The following UBAP1 variants were observed in gnomAD, a reference collection of about 807,000 sequenced individuals.
UBAP1 encodes ubiquitin associated protein 1, also known as ubiquitin-associated protein 1.
A neutral mutation model predicts 39.0 loss-of-function variants in UBAP1; 5 were observed. The observed-to-expected ratio is 0.13, with a 90% CI of 0.07 to 0.27. UBAP1 has a LOEUF of 0.27. Ranked by LOEUF, UBAP1 falls within the 10% of genes least tolerant of loss-of-function variation. The probability of loss-of-function intolerance (pLI) is 1.00; values close to 1 mark genes in which losing one functional copy is unlikely to be tolerated. For missense variants in UBAP1, 490 were observed against 608.1 expected (o/e 0.81, Z 2.04); for synonymous variants, 211 against 225.1 (o/e 0.94, Z 0.56).
chr9:34,201,885 T>G (rs1057003951), intron 1 of UBAP1, among the ~76,000 whole-genome samples: 8 of 152,098 alleles, frequency 5.3e-5, no homozygotes, highest in Non-Finnish European at 4.4e-5. Flanking sequence ...GGTCCTCTCT[T>G]TAGGTTTAAT....
chr9:34,214,983 T>A (rs1053168959), intron 1 of UBAP1, among the ~76,000 whole-genome samples: 11 of 152,142 alleles, frequency 7.2e-5, no homozygotes, highest in Admixed American at 2.6e-4. Flanking sequence ...ACAGTAGATG[T>A]TGGCGTGGAT....
intron 1 of UBAP1, among the ~76,000 whole-genome samples, chr9:34,208,411 G>A (rs749390783): frequency 6.6e-6 from 1 of 152,186 alleles, no homozygotes; most frequent in Non-Finnish European, 1.5e-5. Flanking sequence ...GGGAGGCCGA[G>A]GCAGGCAGAT....
At chr9:34,213,948 G>T (rs944150152) in intron 1 of UBAP1, among the ~76,000 whole-genome samples, 1 of 151,038 alleles carries the variant, frequency 6.6e-6, no homozygotes, top group African/African-American at 2.4e-5. Flanking sequence ...AAATACTTAG[G>T]AATATACCTA....
At chr9:34,190,173 T>C (rs1327165088) in intron 1 of UBAP1, among the ~76,000 whole-genome samples, 1 of 152,198 alleles carries the variant, frequency 6.6e-6, no homozygotes, top group East Asian at 1.9e-4. Flanking sequence ...ACCCCTGAAC[T>C]TAAAAGTTAA....
At chr9:34,221,061 T>C (rs1832729368) in intron 2 of UBAP1, 113 bp downstream of exon 2, 1 of 890,976 alleles carries the variant, frequency 1.1e-6, no homozygotes, top group African/African-American at 1.7e-5. Flanking sequence ...AATGAACAGC[T>C]TGACAAAAAT....
chr9:34,200,518 G>C (rs1158867050), intron 1 of UBAP1, among the ~76,000 whole-genome samples: 1 of 152,134 alleles, frequency 6.6e-6, no homozygotes, highest in Non-Finnish European at 1.5e-5. Context: ...TGTTTAGTTT[G>C]CCAACCTGAT....
At chr9:34,242,978 C>T (rs1326500340) in intron 4 of UBAP1, among the ~76,000 whole-genome samples, 1 of 152,178 alleles carries the variant, frequency 6.6e-6, no homozygotes, top group Non-Finnish European at 1.5e-5. Flanking sequence ...TTACAAGTCC[C>T]AGTAATAGCA....
At chr9:34,186,881 G>T (rs1830433365) in intron 1 of UBAP1, among the ~76,000 whole-genome samples, 1 of 151,800 alleles carries the variant, frequency 6.6e-6, no homozygotes, top group Non-Finnish European at 1.5e-5. Context: ...GTCTTTCATG[G>T]TTTGTGTTTT....
At chr9:34,213,459 C>T (rs1250052061) in intron 1 of UBAP1, among the ~76,000 whole-genome samples, 1 of 152,102 alleles carries the variant, frequency 6.6e-6, no homozygotes, top group Admixed American at 6.6e-5. Context: ...TGCAGTGAGC[C>T]GAGATCGCAC....
intron 1 of UBAP1, among the ~76,000 whole-genome samples, chr9:34,203,681 T>G (rs10971991): frequency 0.12 from 18,830 of 152,292 alleles, 1,525 homozygotes; most frequent in Non-Finnish European, 0.18. Flanking sequence ...TTTAAAGACA[T>G]CTGTTCTGAC....
chr9:34,204,834 A>C (rs1272061758), intron 1 of UBAP1, among the ~76,000 whole-genome samples: 1 of 152,070 alleles, frequency 6.6e-6, no homozygotes, highest in Non-Finnish European at 1.5e-5. Context: ...ACTTGTTGAC[A>C]TTATTTTTTT....
At chr9:34,182,660 TTTCTTTCTTTCTTTC>T (rs1830131348) in intron 1 of UBAP1, among the ~76,000 whole-genome samples, 2 of 58,724 alleles carry the variant, frequency 3.4e-5, no homozygotes, top group Non-Finnish European at 9.2e-5. Flanking sequence ...TCTTTCTTTC[TTTCTTTCTTTCTTTC>T]TTTCTTTCTC....
In UBAP1 at chr9:34,231,783, T is replaced by G. The variant is rs10972011; in HGVS notation, c.35-2433T>G. Among the ~76,000 whole-genome samples the G allele has an allele frequency of 1.0e-3, 155 of 152,260 alleles. 3 individuals carry two copies. The East Asian group carries it at 0.026, about 26-fold the overall frequency. On this transcript the variant is annotated intron_variant, in intron 2 of 6. Coordinates refer to ENST00000297661, the MANE Select transcript of UBAP1 (RefSeq NM_016525.5). ...CCTCAGCCTCCCCAGTAGCTGGGAC[T>G]ACAGGCGCCCCCACTGCGCCCGGCT...
intron 1 of UBAP1, among the ~76,000 whole-genome samples, chr9:34,207,162 C>T (rs1214399318): frequency 1.3e-5 from 2 of 148,474 alleles, no homozygotes; most frequent in East Asian, 2.0e-4. Context: ...AGTGATTCTC[C>T]TGCCTCAGCC....
chr9:34,205,427 C>T (rs1216256949), intron 1 of UBAP1, among the ~76,000 whole-genome samples: 1 of 152,156 alleles, frequency 6.6e-6, no homozygotes, highest in African/African-American at 2.4e-5. Flanking sequence ...TTATTGGTAA[C>T]TACAAGAGAT....
chr9:34,231,289 G>A (rs1462002614), intron 2 of UBAP1, among the ~76,000 whole-genome samples: 4 of 151,742 alleles, frequency 2.6e-5, no homozygotes, highest in Middle Eastern at 3.4e-3. Flanking sequence ...GCACTGGTGC[G>A]TTCTTGGCTC....
intron 1 of UBAP1, among the ~76,000 whole-genome samples, chr9:34,182,571 C>A (rs1055200884): frequency 2.6e-5 from 4 of 151,970 alleles, no homozygotes; most frequent in African/African-American, 4.8e-5. Context: ...GTGTAAATGC[C>A]AATATTACAA....
rs962060201 is a variant in UBAP1 at position 34,179,219 on chromosome 9, C to T, written c.-29C>T. ...TGCCAGCACCTTTCGGCTTCTGAGA[C>T]GGCGGCAGCAGCGGCATTCAGGTGA... On this transcript the variant is annotated 5_prime_UTR_variant, in exon 1 of 7. In the 5' UTR this introduces an upstream ATG that the reference lacks. Coordinates refer to ENST00000297661, the MANE Select transcript of UBAP1 (RefSeq NM_016525.5). 6.8e-6 allele frequency: 7 copies of T among 1,028,708 alleles called. No homozygotes were observed. In the African/African-American group the frequency reaches 7.2e-5, roughly 11 times the overall value. 63.7% of individuals were successfully genotyped at this position (1,028,708 alleles called of 1,614,324 possible).
intron 1 of UBAP1, among the ~76,000 whole-genome samples, chr9:34,215,236 C>T (rs10972005): frequency 0.33 from 49,292 of 151,656 alleles, 9,806 homozygotes; most frequent in Non-Finnish European, 0.45. Context: ...TGCCTATCAA[C>T]GAATGGATAA....
Sources: gnomAD v4.1 joint callset for allele counts (sites outside exome capture counted in the v4.1 genomes callset) on GRCh38, gnomAD v4.1.1 for gene constraint, MANE v1.5 for transcripts, NCBI Gene and HGNC (gene_info 2026-07-23, HGNC 2026-07-21) for gene names.